Variants in FLNB observed in about 807,000 individuals in gnomAD.
The protein encoded by FLNB is filamin-B.
FLNB carries 111 observed loss-of-function variants against 250.6 expected under a neutral mutation model. The observed-to-expected ratio is 0.44, with a 90% CI of 0.38 to 0.52. FLNB has a LOEUF of 0.52. Among genes scored for constraint, FLNB ranks in the 20% least tolerant of loss-of-function variants. FLNB has a pLI of 0.00. For synonymous variants in FLNB, 1,302 were observed against 1,372.1 expected, an observed-to-expected ratio of 0.95 and a Z score of 1.13; for missense variants, 2,869 against 3,447.8, an observed-to-expected ratio of 0.83 and a Z score of 4.20.
intron 1 of FLNB, among the ~76,000 whole-genome samples, chr3:58,071,833 C>T (rs1255857092): frequency 6.6e-6 from 1 of 152,138 alleles, no homozygotes; most frequent in African/African-American, 2.4e-5. Flanking sequence ...CACGTGGTTG[C>T]GTGGATCTGG....
chr3:58,055,558 A>G (rs2097169209), intron 1 of FLNB, among the ~76,000 whole-genome samples: 1 of 152,224 alleles, frequency 6.6e-6, no homozygotes, highest in Non-Finnish European at 1.5e-5. Flanking sequence ...ACAGTTTAAG[A>G]TGAGATTTGG....
At chr3:58,060,799 A>AG (rs1491545468) in intron 1 of FLNB, among the ~76,000 whole-genome samples, 46 of 93,934 alleles carry the variant, frequency 4.9e-4, no homozygotes, top group Non-Finnish European at 7.1e-4. Flanking sequence ...AAAAAAAAAA[A>AG]GAAAGAAAGA....
In FLNB at chr3:58,102,227, C is replaced by T; in HGVS notation, c.1370C>T (p.Ala457Val). 1 of 1,614,196 alleles carries T rather than the reference C, an allele frequency of 6.2e-7. No individual in the cohort carries two copies. Among genetic ancestry groups the T allele is most frequent in the Non-Finnish European group, 8.5e-7 (1 of 1,180,022 alleles). The stretch of plus-strand genomic sequence containing the variant: ...GCCTGCAATCCAAATGCCTGCCGGG[C>T]CAGTGGCCGAGGCCTACAACCCAAA... ...GEACNPNACRASGRGLQPKGV... is the reference protein window; with the variant it reads ...GEACNPNACRVSGRGLQPKGV... Residue 457 changes from alanine to valine, a missense_variant, in exon 9 of 46, where the codon GCC becomes GTC. Coordinates refer to ENST00000295956, the MANE Select transcript of FLNB (RefSeq NM_001457.4).
intron 20 of FLNB, among the ~76,000 whole-genome samples, chr3:58,121,898 G>T (rs1008631793): frequency 3.3e-5 from 5 of 152,086 alleles, no homozygotes; most frequent in Non-Finnish European, 7.4e-5. Context: ...GGCCAGGCGC[G>T]GTGGCTCATG....
In FLNB at chr3:58,102,257, T is replaced by A; in HGVS notation, c.1400T>A (p.Val467Asp). The change falls in exon 9 of 46, where the codon GTC (valine) becomes GAC (aspartate). Residue 467 changes from valine to aspartate, a missense_variant. By Grantham distance (152) the Val-to-Asp change is radical (BLOSUM62 -3). This residue lies in a region of FLNB where 1,348 missense variants were observed against 1,466.7 expected (regional missense o/e 0.92). Transcript: ENST00000295956. Reference sequence around the variant, plus strand: ...GGCCGAGGCCTACAACCCAAAGGCGTCCGTATCCGGGAGACCACAGATTTC... The same window carrying A: ...GGCCGAGGCCTACAACCCAAAGGCGACCGTATCCGGGAGACCACAGATTTC... ...ASGRGLQPKGVRIRETTDFKV... is the reference protein window; with the variant it reads ...ASGRGLQPKGDRIRETTDFKV... The A allele has an allele frequency of 6.2e-7, 1 of 1,614,220 alleles. No individual in the cohort carries two copies. Among genetic ancestry groups the A allele is most frequent in the Non-Finnish European group, 8.5e-7 (1 of 1,180,032 alleles).
Position 58,097,868 on chromosome 3 carries a change from T to A in FLNB, c.1038T>A (p.Ser346Arg), listed in dbSNP as rs970005696. The A allele has an allele frequency of 6.8e-6, 11 of 1,614,114 alleles. No individual in the cohort carries two copies. The highest frequency in any genetic ancestry group is 1.7e-5 in the Admixed American group (1 of 60,020). Residue 346 changes from serine (S) to arginine (R), a missense_variant, in exon 7 of 46, where the codon AGT (serine) becomes AGA (arginine). Coordinates refer to ENST00000295956, the MANE Select transcript of FLNB (RefSeq NM_001457.4). ...TCTCCAAGAGCCCATTTGAAGTGAG[T>A]GTTGACAAGGCCCAGGGAGATGCCA... Reference protein sequence around the residue: ...QHISKSPFEVSVDKAQGDASK... With the variant: ...QHISKSPFEVRVDKAQGDASK...
At chr3:58,151,302 G>A (rs1394909660) in intron 38 of FLNB, 1 of 139,386 alleles carries the variant, frequency 7.2e-6, no homozygotes, top group African/African-American at 2.7e-5. Context: ...TGAGGCACAA[G>A]AATTGCGTAA....
chr3:58,118,817 G>A lies in FLNB; in HGVS notation c.2746-55G>A, dbSNP rs578168256. The A allele has an allele frequency of 1.4e-5, 18 of 1,319,184 alleles. No individual in the cohort carries two copies. The African/African-American group carries it at 2.5e-4, about 18-fold the overall frequency. The allele number at this position is 1,319,184 out of a possible 1,614,324, so 81.7% of individuals were successfully genotyped here. A position where few individuals can be genotyped will look rare whatever the true frequency, so the allele number is the denominator to read the frequency against. On this transcript the variant is annotated intron_variant, in intron 18 of 45. Coordinates refer to ENST00000295956, the MANE Select transcript of FLNB (RefSeq NM_001457.4). ...GAGGGATCTTGAGGGGATTTTAAAT[G>A]CCAAGTTAGCTTTTTGGTACCCAAA...
chr3:58,062,903 C>T (rs961111624), intron 1 of FLNB, among the ~76,000 whole-genome samples: 5 of 152,168 alleles, frequency 3.3e-5, no homozygotes, highest in African/African-American at 1.2e-4. Flanking sequence ...AGCTCCCAAA[C>T]TTGTGTGTGT....
chr3:58,009,938 G>T (rs2097095984), intron 1 of FLNB, among the ~76,000 whole-genome samples: 1 of 152,192 alleles, frequency 6.6e-6, no homozygotes, highest in Non-Finnish European at 1.5e-5. Flanking sequence ...TGATAGTGTG[G>T]GCTGTGATGG....
At chr3:58,063,396 C>T (rs1262082911) in intron 1 of FLNB, among the ~76,000 whole-genome samples, 4 of 152,086 alleles carry the variant, frequency 2.6e-5, no homozygotes, top group Non-Finnish European at 2.9e-5. Context: ...TTGGGTGGGA[C>T]GTGTGTTTGG....
chr3:58,170,448 C>A, intron 45 of FLNB, 127 bp from the exon 46 acceptor site: 1 of 828,684 alleles, frequency 1.2e-6, no homozygotes, highest in Non-Finnish European at 2.0e-6. Flanking sequence ...GTAATTGCCA[C>A]GCTCTCCCAC....
At chr3:58,115,531 G>T (rs1359911567) in intron 18 of FLNB, among the ~76,000 whole-genome samples, 1 of 152,220 alleles carries the variant, frequency 6.6e-6, no homozygotes, top group East Asian at 1.9e-4. Flanking sequence ...AGGCAGAAGT[G>T]GAGATTAGGA....
chr3:58,045,294 CAT>C (rs2097152080), intron 1 of FLNB, among the ~76,000 whole-genome samples: 1 of 152,126 alleles, frequency 6.6e-6, no homozygotes, highest in African/African-American at 2.4e-5. Flanking sequence ...GTTCCCTTCA[CAT>C]GTTTGTCTTC....
intron 1 of FLNB, among the ~76,000 whole-genome samples, chr3:58,063,260 C>G (rs1254819459): frequency 6.6e-6 from 1 of 152,196 alleles, no homozygotes; most frequent in African/African-American, 2.4e-5. Context: ...CCTGCCCTTT[C>G]TTTGAGTGGG....
chr3:58,103,293 TGCACGC>T (rs2097254140), intron 9 of FLNB, among the ~76,000 whole-genome samples: 1 of 138,472 alleles, frequency 7.2e-6, no homozygotes, highest in Admixed American at 7.4e-5. Context: ...TGTGTGTGTG[TGCACGC>T]GCGTGCATGC....
At chr3:58,051,955 C>T (rs1286573331) in intron 1 of FLNB, among the ~76,000 whole-genome samples, 3 of 152,090 alleles carry the variant, frequency 2.0e-5, no homozygotes, top group African/African-American at 2.4e-5. Context: ...GGCACGATCT[C>T]GGCTCACTGC....
rs779959224 is a variant in FLNB at position 58,110,014 on chromosome 3, T to C, written c.2328T>C (p.Asp776=). 3.1e-6 allele frequency: 5 copies of C among 1,614,214 alleles called. No individual in the cohort carries two copies. Among genetic ancestry groups the C allele is most frequent in the Non-Finnish European group, 4.2e-6 (5 of 1,180,038 alleles). The change falls in exon 16 of 46, where the codon GAT becomes GAC. Residue 776 remains aspartate (D), a synonymous_variant. Transcript: ENST00000295956. ...TVDCTEAGEG[D]VSVGIKCDAR... ...TAATAAGCTGGTCTGTTCCAGGTGATGTCAGTGTTGGCATTAAGTGTGATG... is the reference window on the plus strand; with the variant it reads ...TAATAAGCTGGTCTGTTCCAGGTGACGTCAGTGTTGGCATTAAGTGTGATG...
At chr3:58,023,049 C>T (rs1012791023) in intron 1 of FLNB, among the ~76,000 whole-genome samples, 131 of 151,012 alleles carry the variant, frequency 8.7e-4, no homozygotes, top group African/African-American at 3.2e-3. Flanking sequence ...CTCCTGATCT[C>T]GAGATCCACC....
Sources: gnomAD v4.1 joint callset for allele counts (sites outside exome capture counted in the v4.1 genomes callset) on GRCh38, gnomAD v4.1.1 for gene constraint, gnomAD v4.1.1 regional missense constraint, MANE v1.5 for transcripts, NCBI Gene and HGNC (gene_info 2026-07-23, HGNC 2026-07-21) for gene names.